MAP4: variants seen among roughly 807,000 people sequenced by gnomAD.
MAP4 encodes the protein microtubule associated protein 4.
Under a neutral mutation model 170.2 loss-of-function variants are expected in MAP4, and 76 were observed. The observed-to-expected ratio is 0.45, with a 90% CI of 0.37 to 0.54. The LOEUF (loss-of-function observed/expected upper bound fraction) is 0.54, where lower values mean the gene tolerates loss of function less well. Ranked by LOEUF, MAP4 falls within the 20% of genes least tolerant of loss-of-function variation. The pLI is 0.00. For synonymous variants in MAP4, 909 were observed against 994.5 expected (o/e 0.91, Z 1.62); for missense variants, 2,506 against 2,748.0 (o/e 0.91, Z 1.97).
intron 6 of MAP4, among the ~76,000 whole-genome samples, chr3:47,918,463 A>G (rs775511474): frequency 7.2e-5 from 11 of 152,076 alleles, no homozygotes; most frequent in Non-Finnish European, 1.6e-4. Flanking sequence ...GATACCTAAT[A>G]CAATGAAAAT....
intron 1 of MAP4, among the ~76,000 whole-genome samples, chr3:48,069,743 C>T (rs1378486146): frequency 6.6e-6 from 1 of 152,158 alleles, no homozygotes; most frequent in Non-Finnish European, 1.5e-5. Flanking sequence ...CACTGACACT[C>T]TTAAAATATA....
intron 17 of MAP4, among the ~76,000 whole-genome samples, chr3:47,864,268 G>A (rs938240478): frequency 2.0e-5 from 3 of 152,118 alleles, no homozygotes; most frequent in African/African-American, 2.4e-5. Flanking sequence ...GGGACTGGGC[G>A]CAGTAGCTCT....
chr3:47,970,607 C>T (rs1476357878), intron 3 of MAP4, among the ~76,000 whole-genome samples: 2 of 152,016 alleles, frequency 1.3e-5, no homozygotes, highest in East Asian at 3.9e-4. Context: ...GTCAGGAGTT[C>T]GAGACCAGCC....
chr3:47,926,341 G>C (rs2100045929), intron 4 of MAP4, among the ~76,000 whole-genome samples: 1 of 151,068 alleles, frequency 6.6e-6, no homozygotes, highest in South Asian at 2.1e-4. Flanking sequence ...CCGCCACCAT[G>C]CCCGGCTGAT....
Position 48,054,677 on chromosome 3 carries a change from G to C in MAP4, c.-20+34096C>G, listed in dbSNP as rs749962346. 2.7e-4 allele frequency among the ~76,000 whole-genome samples: 39 copies of C among 146,758 alleles called. No individual in the cohort carries two copies. In the Admixed American group the frequency reaches 2.7e-3, roughly 10 times the overall value. The stretch of plus-strand genomic sequence containing the variant: ...AAAAAAATTAGCTGGCCATGGTGGC[G>C]GGCTCCTGTAATCCCAGCTACTCAG... On this transcript the variant is annotated intron_variant, in intron 1 of 18. Coordinates refer to the MAP4 transcript ENST00000360240.
chr3:48,041,082 G>A (rs1415109974), intron 1 of MAP4, among the ~76,000 whole-genome samples: 1 of 152,066 alleles, frequency 6.6e-6, no homozygotes, highest in African/African-American at 2.4e-5. Flanking sequence ...GCTTAAAATA[G>A]CATAAAAAAA....
At chr3:48,072,756 T>G (rs568952612) in intron 1 of MAP4, among the ~76,000 whole-genome samples, 27 of 152,270 alleles carry the variant, frequency 1.8e-4, no homozygotes, top group Non-Finnish European at 3.8e-4. Flanking sequence ...AGTTTTACAA[T>G]ATCCCACTTC....
chr3:47,948,416 G>T (rs928512129), intron 3 of MAP4, among the ~76,000 whole-genome samples: 3 of 150,972 alleles, frequency 2.0e-5, no homozygotes, highest in African/African-American at 7.3e-5. Context: ...GTAGAGACAG[G>T]TCTCACTATG....
intron 1 of MAP4, among the ~76,000 whole-genome samples, chr3:48,055,101 A>T (rs1351266001): frequency 6.6e-6 from 1 of 152,200 alleles, no homozygotes; most frequent in Non-Finnish European, 1.5e-5. Flanking sequence ...ACCAGTAACA[A>T]GATCAGCGGG....
At chr3:47,983,653 G>T (rs1281557335) in intron 2 of MAP4, among the ~76,000 whole-genome samples, 3 of 152,174 alleles carry the variant, frequency 2.0e-5, no homozygotes, top group African/African-American at 7.2e-5. Context: ...CTCCCAAAGT[G>T]CTGGGATTAC....
chr3:48,055,883 CTG>C, intron 1 of MAP4, among the ~76,000 whole-genome samples: 1 of 79,542 alleles, frequency 1.3e-5, no homozygotes, highest in Non-Finnish European at 3.3e-5. Flanking sequence ...AGGAGCGCCT[CTG>C]CCCGGCCGAG....
rs554830167 is a variant in MAP4 at position 48,059,583 on chromosome 3, C to T, written c.-20+29190G>A. ...AACATTACAATAATGGCAAGCCATA[C>T]TTATTTTGATCCTTTATGGTCCATA... On this transcript the variant is annotated intron_variant, in intron 1 of 18. Coordinates refer to the MAP4 transcript ENST00000360240. 8.3e-5 allele frequency among the ~76,000 whole-genome samples: 12 copies of T among 145,350 alleles called. No homozygotes were observed. In the East Asian group the frequency reaches 2.1e-3, roughly 26 times the overall value.
intron 3 of MAP4, among the ~76,000 whole-genome samples, chr3:47,940,335 C>T (rs1335046439): frequency 1.3e-5 from 2 of 152,156 alleles, no homozygotes; most frequent in Non-Finnish European, 2.9e-5. Context: ...GTTCTTAAAA[C>T]TACACAGCAG....
chr3:48,030,732 T>G (rs1193619184), intron 1 of MAP4, among the ~76,000 whole-genome samples: 1 of 132,040 alleles, frequency 7.6e-6, no homozygotes, highest in African/African-American at 2.9e-5. Context: ...CCAGGAAGTG[T>G]AGGTAGCACT....
At chr3:48,022,286 GAGAC>G (rs1281316842) in intron 1 of MAP4, among the ~76,000 whole-genome samples, 10 of 152,124 alleles carry the variant, frequency 6.6e-5, no homozygotes, top group Admixed American at 5.9e-4. Flanking sequence ...AGAGAGTAGA[GAGAC>G]AGGGACAAAA....
Position 47,974,651 on chromosome 3 carries a change from T to C in MAP4, c.292+3214A>G, listed in dbSNP as rs2100080903. On this transcript the variant is annotated intron_variant, in intron 3 of 20. Transcript: ENST00000683076. Reference sequence around the variant, plus strand: ...TATAAATACAATCAAAGCATACCATTGTACAGTACTAATCTCAACTGGTTC... The same window carrying C: ...TATAAATACAATCAAAGCATACCATCGTACAGTACTAATCTCAACTGGTTC... The C allele has an allele frequency of 5.3e-6, 5 of 944,978 alleles. No homozygotes were observed. In the South Asian group the frequency reaches 2.0e-4, roughly 37 times the overall value. 58.5% of individuals were successfully genotyped at this position (944,978 alleles called of 1,614,324 possible). A position where few individuals can be genotyped will look rare whatever the true frequency, so the allele number is the denominator to read the frequency against.
chr3:47,882,136 G>C (rs536490807), intron 10 of MAP4, among the ~76,000 whole-genome samples: 1 of 152,142 alleles, frequency 6.6e-6, no homozygotes, highest in Admixed American at 6.5e-5. Context: ...TAAATTAGCC[G>C]GGCGTTGTGG....
At chr3:47,946,438 G>A (rs1275941938) in intron 3 of MAP4, among the ~76,000 whole-genome samples, 1 of 151,052 alleles carries the variant, frequency 6.6e-6, no homozygotes, top group South Asian at 2.1e-4. Flanking sequence ...CAGATCACCT[G>A]AGGTCAGGAG....
chr3:47,945,791 C>G (rs1029324424), intron 3 of MAP4, among the ~76,000 whole-genome samples: 14 of 151,976 alleles, frequency 9.2e-5, no homozygotes, highest in Middle Eastern at 3.4e-3. Context: ...GCGATCTTGG[C>G]TCACTGCAGC....
Sources: gnomAD v4.1 joint callset for allele counts (sites outside exome capture counted in the v4.1 genomes callset) on GRCh38, gnomAD v4.1.1 for gene constraint, MANE v1.5 for transcripts, NCBI Gene and HGNC (gene_info 2026-07-23, HGNC 2026-07-21) for gene names.